The following MROH7 variants were observed in gnomAD, a reference collection of about 807,000 sequenced individuals.
MROH7 encodes maestro heat like repeat family member 7.
In MROH7, 113 loss-of-function variants were observed where a neutral mutation model predicts 129.2. The ratio of observed to expected loss-of-function variants is 0.87; its 90% confidence interval spans 0.75 to 1.02. MROH7 has a LOEUF of 1.02. Among genes scored for constraint, MROH7 ranks in the 50% least tolerant of loss-of-function variants. The pLI is 0.00. For missense variants in MROH7, 1,601 were observed against 1,671.3 expected (o/e 0.96, Z 0.73); for synonymous variants, 655 against 667.9 (o/e 0.98, Z 0.30).
At position 54,679,123 on chromosome 1, in the gene MROH7, G is replaced by A. The variant is rs1645027448; in HGVS notation, c.2050-140G>A. ...TCCCCTAAAGGTTCAACACTTATGTGTTAACTGAATATTCCTGGCCCTCCC... is the reference window on the plus strand; with the variant it reads ...TCCCCTAAAGGTTCAACACTTATGTATTAACTGAATATTCCTGGCCCTCCC... On this transcript the variant is annotated intron_variant, in intron 11 of 23. Coordinates refer to ENST00000421030, the MANE Select transcript of MROH7 (RefSeq NM_001039464.4). 3.7e-5 allele frequency: 33 copies of A among 890,732 alleles called. No individual in the cohort carries two copies. In the South Asian group the frequency reaches 4.5e-4, roughly 12 times the overall value. 55.2% of individuals were successfully genotyped at this position (890,732 alleles called of 1,614,324 possible).
intron 7 of MROH7, 54 bp downstream of exon 7, chr1:54,670,983 A>G (rs957410421): frequency 1.3e-6 from 2 of 1,533,464 alleles, no homozygotes; most frequent in Non-Finnish European, 8.8e-7. Flanking sequence ...TTCTGGGAGG[A>G]GATATGGAGC....
intron 13 of MROH7, 34 bp from the exon 14 acceptor site, chr1:54,682,622 C>T (rs1290204056): frequency 5.6e-6 from 9 of 1,595,900 alleles, no homozygotes; most frequent in Non-Finnish European, 7.7e-6. Context: ...ACTGCCTTGG[C>T]CACCACTAAT....
intron 1 of MROH7, among the ~76,000 whole-genome samples, chr1:54,644,335 T>G (rs1644431082): frequency 6.6e-6 from 1 of 150,404 alleles, no homozygotes. Flanking sequence ...TCTCTTCTCT[T>G]CCCCTTCCCT....
rs779042812 is a variant in MROH7, at chr1:54,665,230, A to G, written c.1295A>G (p.Asn432Ser). The G allele has an allele frequency of 6.8e-6, 11 of 1,613,742 alleles. No individual in the cohort carries two copies. Among genetic ancestry groups the G allele is most frequent in the Middle Eastern group, 1.7e-4 (1 of 6,022 alleles). ...CCAGAGAAGACAGAAGGTGGCAACA[A>G]CATGGCTCTGGTATGCCTCCTGCCC... ...KVPEKTEGGN[N>S]MALVENVTTL... is the part of the protein sequence containing the mutation. Residue 432 changes from asparagine (N) to serine (S), a missense_variant, in exon 4 of 24, where the codon AAC (asparagine) becomes AGC (serine). By Grantham distance (46) the Asn-to-Ser change is conservative. Transcript: ENST00000421030.
At chr1:54,708,411 T>G (rs561226908) in intron 22 of MROH7, among the ~76,000 whole-genome samples, 1 of 122,336 alleles carries the variant, frequency 8.2e-6, no homozygotes, top group East Asian at 2.6e-4. Flanking sequence ...TGGGCAACAC[T>G]GTCTAAAAAC....
At position 54,664,880 on chromosome 1, in the gene MROH7, C is replaced by T. The variant is rs192054059; in HGVS notation, c.1232-287C>T. On this transcript the variant is annotated intron_variant, in intron 3 of 23. Transcript: ENST00000421030. ...TACAAAAATTAGACGGGTGTGATGG[C>T]GGGTGCCTGTAATCCCAGCTACTTG... Among the ~76,000 whole-genome samples the T allele has an allele frequency of 4.3e-4, 65 of 152,116 alleles. No homozygotes were observed. In the East Asian group the frequency reaches 0.012, roughly 28 times the overall value.
At chr1:54,681,919 C>T (rs1362923040) in intron 13 of MROH7, among the ~76,000 whole-genome samples, 2 of 152,184 alleles carry the variant, frequency 1.3e-5, no homozygotes, top group African/African-American at 4.8e-5. Context: ...GGTAATTTCA[C>T]CTCTCTGAGC....
intron 3 of MROH7, chr1:54,663,733 A>G: frequency 2.4e-6 from 1 of 422,254 alleles, no homozygotes; most frequent in Non-Finnish European, 4.6e-6. Context: ...TGTCCCTTTG[A>G]CATTTGACAT....
In MROH7 at chr1:54,706,434, G is replaced by A. The variant is rs1201922817; in HGVS notation, c.3565-1G>A. On this transcript the variant is annotated splice_acceptor_variant, in intron 21 of 23. Coordinates refer to ENST00000421030, the MANE Select transcript of MROH7 (RefSeq NM_001039464.4). LOFTEE classifies it high-confidence loss of function. Reference sequence around the variant, plus strand: ...ACTTTTGGGGTTTCTCTTTGTCCTAGGTGAACACCCACCGAGACAGCGCCT... The same window carrying A: ...ACTTTTGGGGTTTCTCTTTGTCCTAAGTGAACACCCACCGAGACAGCGCCT... The A allele has an allele frequency of 1.9e-6, 3 of 1,607,956 alleles. No homozygotes were observed. Among genetic ancestry groups the A allele is most frequent in the Non-Finnish European group, 2.5e-6 (3 of 1,177,286 alleles).
intron 14 of MROH7, 90 bp from the exon 15 acceptor site, chr1:54,686,168 C>A (rs375252374): frequency 2.4e-6 from 3 of 1,225,516 alleles, no homozygotes; most frequent in African/African-American, 3.0e-5. Flanking sequence ...AGACCCAGAT[C>A]CTACCTCCCA....
At chr1:54,643,922 T>C (rs1465015145) in intron 1 of MROH7, among the ~76,000 whole-genome samples, 3 of 152,224 alleles carry the variant, frequency 2.0e-5, no homozygotes, top group Non-Finnish European at 4.4e-5. Flanking sequence ...ATGAGAAATA[T>C]GCTGTTATTC....
chr1:54,689,374 A>G (rs1645198839), intron 15 of MROH7, among the ~76,000 whole-genome samples: 1 of 152,144 alleles, frequency 6.6e-6, no homozygotes, highest in African/African-American at 2.4e-5. Context: ...TTAATTTTGG[A>G]TATCTGGCCT....
intron 3 of MROH7, among the ~76,000 whole-genome samples, chr1:54,664,382 G>T (rs951697552): frequency 6.6e-6 from 1 of 152,248 alleles, no homozygotes; most frequent in African/African-American, 2.4e-5. Flanking sequence ...CAGAGCCCCA[G>T]GGTGGGGGTG....
chr1:54,658,061 G>T (rs894289999), intron 3 of MROH7, among the ~76,000 whole-genome samples: 3 of 152,048 alleles, frequency 2.0e-5, no homozygotes, highest in Admixed American at 2.0e-4. Flanking sequence ...TTCATCTTAT[G>T]AACCTCAAAC....
rs147673600 is a variant in MROH7 at position 54,665,330 on chromosome 1, C to T, written c.1305+90C>T. On this transcript the variant is annotated intron_variant, in intron 4 of 23. Coordinates refer to ENST00000421030, the MANE Select transcript of MROH7 (RefSeq NM_001039464.4). ...CCCCCAGCCCAGCAGCCTCCGCATT[C>T]CCCATGCCTCTGCCCAGCTCTCCTT... 1.2e-3 allele frequency: 1,106 copies of T among 893,800 alleles called. 1 individual carries two copies. Among genetic ancestry groups the T allele is most frequent in the Middle Eastern group, 5.7e-3 (18 of 3,142 alleles). The allele number at this position is 893,800 out of a possible 1,614,324, so 55.4% of individuals were successfully genotyped here.
At chr1:54,652,110 A>G (rs1364690746) in intron 2 of MROH7, 127 bp downstream of exon 2, 1 of 152,534 alleles carries the variant, frequency 6.6e-6, no homozygotes, top group Non-Finnish European at 1.5e-5. Flanking sequence ...CAGCTGCCCT[A>G]TGGTCTCCTC....
intron 20 of MROH7, 132 bp from the exon 21 acceptor site, chr1:54,702,491 T>G: frequency 2.2e-6 from 2 of 903,034 alleles, no homozygotes; most frequent in Non-Finnish European, 3.1e-6. Context: ...AAAATAATAG[T>G]AATTAAAAAA....
chr1:54,642,938 G>A (rs901777605), intron 1 of MROH7, among the ~76,000 whole-genome samples: 10 of 152,212 alleles, frequency 6.6e-5, no homozygotes, highest in African/African-American at 2.4e-4. Flanking sequence ...TTCCTGCACA[G>A]TCTGAACTAA....
At chr1:54,680,227 G>T (rs150945502) in intron 13 of MROH7, among the ~76,000 whole-genome samples, 182 bp downstream of exon 13, 6 of 152,130 alleles carry the variant, frequency 3.9e-5, no homozygotes, top group African/African-American at 1.4e-4. Context: ...TGTCAGCGCC[G>T]AGCATTACAA....
Sources: gnomAD v4.1 joint callset for allele counts (sites outside exome capture counted in the v4.1 genomes callset) on GRCh38, gnomAD v4.1.1 for gene constraint, MANE v1.5 for transcripts, NCBI Gene and HGNC (gene_info 2026-07-23, HGNC 2026-07-21) for gene names.